The following MKKS variants were observed in gnomAD, a reference collection of about 807,000 sequenced individuals.
MKKS encodes the protein molecular chaperone MKKS.
In MKKS, 29 loss-of-function variants were observed where a neutral mutation model predicts 33.2. The ratio of observed to expected loss-of-function variants is 0.87; its 90% CI spans 0.65 to 1.19. The LOEUF is 1.19. MKKS is among the 50% of genes most tolerant of loss of function. The pLI is 0.00. For synonymous variants in MKKS, 260 were observed against 244.0 expected (o/e 1.07, Z -0.61); for missense variants, 661 against 662.3 (o/e 1.00, Z 0.02).
chr20:10,433,157 C>T (rs1396634397), intron 1 of MKKS, among the ~76,000 whole-genome samples: 1 of 152,262 alleles, frequency 6.6e-6, no homozygotes, highest in Non-Finnish European at 1.5e-5. Context: ...GCGTGCGCCA[C>T]TGCGCCCGGC....
chr20:10,418,361 G>A (rs1329540637), intron 2 of MKKS, among the ~76,000 whole-genome samples: 1 of 152,074 alleles, frequency 6.6e-6, no homozygotes, highest in African/African-American at 2.4e-5. Context: ...GATACTTGAG[G>A]GCTCAATATA....
chr20:10,412,998 GC>G lies in MKKS; in HGVS notation c.516del (p.Glu172AspfsTer6). 6.2e-7 allele frequency: 1 copy of G among 1,614,032 alleles called. No homozygotes were observed. Among genetic ancestry groups the G allele is most frequent in the Non-Finnish European group, 8.5e-7 (1 of 1,180,026 alleles). ...PACMLTRKET[E>X]HVSALILRAF... ...GCTCTCAGGATCAAAGCACTGACAT[GC>G]TCTGTTTCCTTTCTGGTGAGCATAC... On this transcript the variant is annotated frameshift_variant, in exon 3 of 6. Transcript: ENST00000347364. LOFTEE classifies it high-confidence loss of function.
At chr20:10,409,276 G>A (rs1030752531) in intron 3 of MKKS, among the ~76,000 whole-genome samples, 1 of 151,998 alleles carries the variant, frequency 6.6e-6, no homozygotes, top group Non-Finnish European at 1.5e-5. Flanking sequence ...GAATTCCTTC[G>A]GGACGCTACA....
intron 1 of MKKS, among the ~76,000 whole-genome samples, chr20:10,430,985 T>C (rs1048431912): frequency 2.0e-5 from 3 of 152,216 alleles, no homozygotes; most frequent in Non-Finnish European, 4.4e-5. Context: ...AAATTAGTTA[T>C]GGTCTTGGAC....
chr20:10,423,915 T>C (rs1021144532), intron 1 of MKKS, among the ~76,000 whole-genome samples: 2 of 152,218 alleles, frequency 1.3e-5, no homozygotes, highest in Middle Eastern at 3.2e-3. Context: ...GATTAATTGC[T>C]TTAATGTTTA....
At chr20:10,421,467 C>A (rs2064980331) in intron 1 of MKKS, among the ~76,000 whole-genome samples, 1 of 149,758 alleles carries the variant, frequency 6.7e-6, no homozygotes, top group South Asian at 2.1e-4. Flanking sequence ...ACAGAAGAAT[C>A]AAACGGTAAT....
At chr20:10,428,836 T>A (rs1266780853) in intron 1 of MKKS, among the ~76,000 whole-genome samples, 1 of 99,632 alleles carries the variant, frequency 1.0e-5, no homozygotes, top group Non-Finnish European at 2.3e-5. Flanking sequence ...AGAGCAAGAC[T>A]CCGTCTCAAT....
intron 2 of MKKS, among the ~76,000 whole-genome samples, chr20:10,417,137 G>C (rs2122244984): frequency 6.6e-6 from 1 of 151,652 alleles, no homozygotes; most frequent in African/African-American, 2.4e-5. Flanking sequence ...TGTAATCCCA[G>C]TTACTCGGGA....
At chr20:10,431,714 T>C (rs1600863298) in intron 1 of MKKS, 1 of 152,202 alleles carries the variant, frequency 6.6e-6, no homozygotes. Context: ...GGAGTCAAGA[T>C]CTAGAAAAAC....
chr20:10,412,483 G>GC, intron 3 of MKKS, 47 bp downstream of exon 3: 1 of 1,591,054 alleles, frequency 6.3e-7, no homozygotes, highest in Non-Finnish European at 8.6e-7. Context: ...GCTCAAAAAA[G>GC]TGTGATTTAT....
chr20:10,410,026 T>C (rs2122228539), intron 3 of MKKS, among the ~76,000 whole-genome samples: 1 of 143,690 alleles, frequency 7.0e-6, no homozygotes, highest in East Asian at 2.1e-4. Context: ...CTAAAAACAC[T>C]TCCATCTCAA....
intron 3 of MKKS, 93 bp from the exon 4 acceptor site, chr20:10,408,896 GC>G: frequency 2.2e-6 from 2 of 908,198 alleles, no homozygotes; most frequent in Non-Finnish European, 3.4e-6. Flanking sequence ...CAACATAAAA[GC>G]CCCACAAGCA....
intron 3 of MKKS, among the ~76,000 whole-genome samples, chr20:10,409,898 G>T (rs548149394): frequency 8.6e-4 from 129 of 150,064 alleles, no homozygotes; most frequent in Admixed American, 2.5e-3. Flanking sequence ...TTGAACCTGG[G>T]GGGCAGAGGT....
intron 5 of MKKS, 84 bp downstream of exon 5, chr20:10,407,532 A>G: frequency 8.9e-7 from 1 of 1,120,734 alleles, no homozygotes; most frequent in Non-Finnish European, 1.3e-6. Flanking sequence ...AAAAGACTAT[A>G]GGATATTATG....
rs1568662022 is a variant in MKKS, at chr20:10,404,163, C to G, written c.*1084G>C. On this transcript the variant is annotated 3_prime_UTR_variant, in exon 6 of 6. Transcript: ENST00000347364. ...ATCTTATATTTGCATAAAATTCAAA[C>G]TACATCCCTTGGTGAAACATAATGT... 6.6e-6 allele frequency: 1 copy of G among 152,186 alleles called. No individual in the cohort carries two copies. The highest frequency in any genetic ancestry group is 1.5e-5 in the Non-Finnish European group (1 of 68,030). 9.4% of individuals were successfully genotyped at this position (152,186 alleles called of 1,614,324 possible). A position where few individuals can be genotyped will look rare whatever the true frequency, so the allele number is the denominator to read the frequency against.
chr20:10,402,107 G>A lies in MKKS; in HGVS notation c.*3140C>T, dbSNP rs1204823863. 1 of 152,164 alleles carries A rather than the reference G, an allele frequency of 6.6e-6. No individual in the cohort carries two copies. The highest frequency in any genetic ancestry group is 1.5e-5 in the Non-Finnish European group (1 of 68,026). 9.4% of individuals were successfully genotyped at this position (152,164 alleles called of 1,614,324 possible). On this transcript the variant is annotated 3_prime_UTR_variant, in exon 6 of 6. Coordinates refer to ENST00000347364, the MANE Select transcript of MKKS (RefSeq NM_170784.3). ...ATGTTACATGTCCTGAGAGTCCCAC[G>A]AAATTATTGAGCAGCTGTCACCGAC...
At chr20:10,432,899 T>G (rs1318297656) in intron 1 of MKKS, among the ~76,000 whole-genome samples, 1 of 151,986 alleles carries the variant, frequency 6.6e-6, no homozygotes, top group Non-Finnish European at 1.5e-5. Flanking sequence ...TAATACAACG[T>G]TAAATGCTAT....
chr20:10,433,612 C>T (rs2065071645), intron 1 of MKKS, among the ~76,000 whole-genome samples: 1 of 152,186 alleles, frequency 6.6e-6, no homozygotes, highest in African/African-American at 2.4e-5. Flanking sequence ...CTACAAGGTC[C>T]ACAGCCCTGC....
intron 1 of MKKS, among the ~76,000 whole-genome samples, chr20:10,429,970 C>G (rs1466160580): frequency 1.3e-5 from 2 of 152,188 alleles, no homozygotes; most frequent in African/African-American, 4.8e-5. Flanking sequence ...TTGAGACCCA[C>G]TGTTCTAGTC....
Sources: gnomAD v4.1 joint callset for allele counts (sites outside exome capture counted in the v4.1 genomes callset) on GRCh38, gnomAD v4.1.1 for gene constraint, MANE v1.5 for transcripts, NCBI Gene and HGNC (gene_info 2026-07-23, HGNC 2026-07-21) for gene names.